Variants in SPATA7 observed in about 807,000 individuals in gnomAD.
The protein encoded by SPATA7 is spermatogenesis-associated protein 7.
A neutral mutation model predicts 51.8 loss-of-function variants in SPATA7; 43 were observed. That is an observed-to-expected ratio of 0.83 (90% CI 0.65 to 1.07). The LOEUF is 1.07. Among genes scored for constraint, SPATA7 ranks in the 50% least tolerant of loss-of-function variants. SPATA7 has a pLI of 0.00. For synonymous variants in SPATA7, 230 were observed against 252.8 expected (o/e 0.91, Z 0.86); for missense variants, 683 against 701.3 (o/e 0.97, Z 0.30).
At chr14:88,452,867 G>A (rs913139924) in intron 3 of SPATA7, among the ~76,000 whole-genome samples, 2 of 152,032 alleles carry the variant, frequency 1.3e-5, no homozygotes, top group Non-Finnish European at 2.9e-5. Context: ...CATCCTCTCC[G>A]AAGCACCCTG....
chr14:88,409,886 G>A (rs1425001655), intron 4 of SPATA7, among the ~76,000 whole-genome samples: 1 of 152,192 alleles, frequency 6.6e-6, no homozygotes, highest in East Asian at 1.9e-4. Flanking sequence ...CAGTTTCCAT[G>A]TAGTTGTGTG....
intron 3 of SPATA7, among the ~76,000 whole-genome samples, chr14:88,448,410 C>T (rs977901144): frequency 3.3e-5 from 5 of 152,160 alleles, no homozygotes; most frequent in African/African-American, 9.7e-5. Flanking sequence ...AAGTTTTCAA[C>T]TTCTTTGCCT....
Position 88,469,035 on chromosome 14 carries a change from T to G in SPATA7, c.255-812T>G. The G allele has an allele frequency of 6.2e-7, 1 of 1,614,190 alleles. No individual in the cohort carries two copies. Among genetic ancestry groups the G allele is most frequent in the Non-Finnish European group, 8.5e-7 (1 of 1,180,028 alleles). On this transcript the variant is annotated intron_variant, in intron 4 of 4. Transcript: ENST00000556406. This position sits in a 1 kb window ranked among gnomAD's most constrained non-coding sequence, Gnocchi z 4.3. ...TTGGGGCTTTGGGGATCACTTGTGC[T>G]ATTTGTATGGCGTCGAACAGACTGG...
chr14:88,468,302 C>T, intron 4 of SPATA7: 4 of 1,549,020 alleles, frequency 2.6e-6, no homozygotes, highest in Non-Finnish European at 3.5e-6. Flanking sequence ...ATAATGTGTT[C>T]CCCTGGGGAG....
At chr14:88,393,307 A>G (rs1441338517) in intron 2 of SPATA7, 86 bp from the exon 3 acceptor site, 6 of 915,700 alleles carry the variant, frequency 6.6e-6, no homozygotes, top group Non-Finnish European at 8.5e-6. Flanking sequence ...ACATTTTATA[A>G]GAATGAGTTA....
At chr14:88,437,706 C>G in intron 11 of SPATA7, 109 bp downstream of exon 11, 5 of 1,351,766 alleles carry the variant, frequency 3.7e-6, no homozygotes, top group Non-Finnish European at 5.1e-6. Context: ...TTTTTTTTCC[C>G]TTGAACTTTT....
chr14:88,402,719 A>G (rs554749794), intron 4 of SPATA7, among the ~76,000 whole-genome samples: 10 of 152,244 alleles, frequency 6.6e-5, no homozygotes, highest in Admixed American at 1.3e-4. Context: ...GAGAACATAG[A>G]AAAAAAGCTT....
At chr14:88,455,033 A>G in intron 3 of SPATA7, 1 of 455,784 alleles carries the variant, frequency 2.2e-6, no homozygotes, top group South Asian at 1.6e-5. Flanking sequence ...ATCTGGGTCA[A>G]GGCTCAAGAA....
chr14:88,399,047 G>A (rs1434440004), intron 4 of SPATA7, among the ~76,000 whole-genome samples: 7 of 142,648 alleles, frequency 4.9e-5, no homozygotes, highest in Admixed American at 2.2e-4. Context: ...GCAAGACTCC[G>A]TCTCAAAAAA....
At chr14:88,444,744 C>G (rs2077199926) in intron 3 of SPATA7, among the ~76,000 whole-genome samples, 4 of 152,240 alleles carry the variant, frequency 2.6e-5, no homozygotes, top group African/African-American at 9.6e-5. Flanking sequence ...AATAGGGAAT[C>G]CTTTCCCCAT....
At chr14:88,437,693 G>A in intron 11 of SPATA7, 96 bp downstream of exon 11, 2 of 1,329,756 alleles carry the variant, frequency 1.5e-6, no homozygotes, top group Non-Finnish European at 2.1e-6. Context: ...AAAAGCAAGT[G>A]CTTTTTTTTT....
At chr14:88,447,315 T>G (rs1354107975) in intron 3 of SPATA7, among the ~76,000 whole-genome samples, 2 of 149,994 alleles carry the variant, frequency 1.3e-5, no homozygotes, top group Non-Finnish European at 3.0e-5. Flanking sequence ...ACCCCTGCCT[T>G]TTTTTGTTTT....
exon 5 of SPATA7, chr14:88,470,158 G>A (rs2077437804): frequency 1.0e-6 from 1 of 992,308 alleles, no homozygotes; most frequent in South Asian, 1.6e-5. Context: ...AAAGTAAAAA[G>A]TAAAAAAGTA....
chr14:88,396,285 AT>A, intron 4 of SPATA7, 82 bp downstream of exon 4: 2 of 960,646 alleles, frequency 2.1e-6, no homozygotes, highest in East Asian at 2.6e-5. Flanking sequence ...TGTCTTAACC[AT>A]TTTTAAGTGT....
At chr14:88,460,153 A>G (rs1400152498), downstream of SPATA7, among the ~76,000 whole-genome samples, 2 of 151,928 alleles carry the variant, frequency 1.3e-5, no homozygotes, top group African/African-American at 4.8e-5. Flanking sequence ...TTTTTCCTTC[A>G]TTTCAACTTT....
At chr14:88,410,347 C>G (rs558660869) in intron 4 of SPATA7, among the ~76,000 whole-genome samples, 1 of 151,886 alleles carries the variant, frequency 6.6e-6, no homozygotes, top group African/African-American at 2.4e-5. Flanking sequence ...TATGTAATGC[C>G]CTTCTTTGTC....
At chr14:88,461,460 G>A (rs1325789006) in intron 4 of SPATA7, among the ~76,000 whole-genome samples, 13 of 152,124 alleles carry the variant, frequency 8.5e-5, no homozygotes, top group Admixed American at 2.0e-4. Flanking sequence ...ATCTCAGACC[G>A]CTGTGCTAGC....
intron 4 of SPATA7, chr14:88,466,822 CA>C (rs1315393856): frequency 6.6e-6 from 1 of 152,188 alleles, no homozygotes; most frequent in African/African-American, 2.4e-5. Flanking sequence ...AATCTCTGTG[CA>C]CAAATTTGGA....
At chr14:88,466,559 A>G (rs2077366409) in intron 4 of SPATA7, 1 of 152,222 alleles carries the variant, frequency 6.6e-6, no homozygotes, top group South Asian at 2.1e-4. Context: ...TCACTGTAAG[A>G]AGAGACCCCA....
Sources: gnomAD v4.1 joint callset for allele counts (sites outside exome capture counted in the v4.1 genomes callset) on GRCh38, gnomAD v4.1.1 for gene constraint, Gnocchi (gnomAD v3.1) non-coding constraint, MANE v1.5 for transcripts, NCBI Gene and HGNC (gene_info 2026-07-23, HGNC 2026-07-21) for gene names.